BRWD3: variants seen among roughly 807,000 people sequenced by gnomAD.
BRWD3 encodes the protein bromodomain and WD repeat-containing protein 3.
BRWD3 carries 10 observed loss-of-function variants against 149.7 expected under a neutral mutation model. That is an observed-to-expected ratio of 0.07 (90% CI 0.04 to 0.11). The LOEUF (loss-of-function observed/expected upper bound fraction) is 0.11. Ranked by LOEUF, BRWD3 falls within the 10% of genes least tolerant of loss-of-function variation. The pLI is 1.00. For missense variants in BRWD3, 940 were observed against 1,373.2 expected (o/e 0.68, Z 4.99); for synonymous variants, 504 against 456.7 (o/e 1.10, Z -1.32).
At chrX:80,721,332 C>T (rs5959728) in intron 17 of BRWD3, among the ~76,000 whole-genome samples, 161 of 111,438 alleles carry the variant, frequency 1.4e-3, no homozygotes, top group African/African-American at 4.8e-3. Context: ...AGTTTATCTC[C>T]CATTTAATTA....
At chrX:80,783,484 C>G (rs764529385) in intron 6 of BRWD3, among the ~76,000 whole-genome samples, 1 of 109,619 alleles carries the variant, frequency 9.1e-6, no homozygotes, top group Non-Finnish European at 1.9e-5. Context: ...AAATGTACAT[C>G]AGTATAGCCA....
At chrX:80,776,261 G>T (rs2073999551) in intron 6 of BRWD3, among the ~76,000 whole-genome samples, 1 of 111,766 alleles carries the variant, frequency 8.9e-6, no homozygotes, top group Non-Finnish European at 1.9e-5. Context: ...ATTCCAAGAT[G>T]GTCACATCAG....
chrX:80,717,160 A>G (rs2073085031), intron 19 of BRWD3: 2 of 123,348 alleles, frequency 1.6e-5, no homozygotes, highest in East Asian at 2.5e-4. Flanking sequence ...CTTTCACCCA[A>G]TGAAGCCTAC....
intron 25 of BRWD3, among the ~76,000 whole-genome samples, chrX:80,699,422 T>C (rs771949498): frequency 6.3e-5 from 7 of 110,847 alleles, no homozygotes; most frequent in African/African-American, 2.3e-4. Context: ...TGTGCATGTG[T>C]GCATATATAT....
At position 80,669,746 on chromosome X, in the gene BRWD3, C is replaced by T. The variant is rs1466290358; in HGVS notation, c.*6863G>A. Among the ~76,000 whole-genome samples, 1 of 110,706 alleles carries T rather than the reference C, an allele frequency of 9.0e-6. No individual in the cohort carries two copies. The highest frequency in any genetic ancestry group is 3.3e-5 in the African/African-American group (1 of 30,519). Reference sequence around the variant, plus strand: ...AATTCTAACTAGAATTGCAACATGACAAAAATCAACCACAAAAATCCTTAA... The same window carrying T: ...AATTCTAACTAGAATTGCAACATGATAAAAATCAACCACAAAAATCCTTAA... On this transcript the variant is annotated 3_prime_UTR_variant, in exon 41 of 41. Transcript: ENST00000373275.
intron 20 of BRWD3, among the ~76,000 whole-genome samples, chrX:80,714,219 CTTTTTTTTT>C (rs987098536): frequency 1.1e-4 from 7 of 61,808 alleles, no homozygotes; most frequent in African/African-American, 3.9e-4. Context: ...AAACCTTCAT[CTTTTTTTTT>C]TTTTTTTTTT....
intron 3 of BRWD3, 93 bp downstream of exon 3, chrX:80,808,920 C>T (rs2074379920): frequency 1.5e-5 from 15 of 1,011,855 alleles, no homozygotes; most frequent in East Asian, 3.3e-5. Flanking sequence ...AGATCGAAGC[C>T]TCTATCCCAG....
intron 6 of BRWD3, among the ~76,000 whole-genome samples, chrX:80,748,304 C>T (rs1254383307): frequency 8.9e-6 from 1 of 112,455 alleles, no homozygotes; most frequent in Non-Finnish European, 1.9e-5. Context: ...TGAGCCACTG[C>T]ACCCAGCCTT....
In BRWD3 at chrX:80,676,732, A is replaced by G. The variant is rs770713485; in HGVS notation, c.5286T>C (p.Asp1762=). 2 of 1,211,303 alleles carry G rather than the reference A, an allele frequency of 1.7e-6. No homozygotes were observed. The highest frequency in any genetic ancestry group is 2.2e-6 in the Non-Finnish European group (2 of 895,348). Residue 1762 remains aspartate, a synonymous_variant, in exon 41 of 41, where the codon GAT becomes GAC. Coordinates refer to ENST00000373275, the MANE Select transcript of BRWD3 (RefSeq NM_153252.5). ...QGRRTVLYND[D]SDNDNFVSTE... is the part of the protein sequence containing the mutation. ...TGGACACAAAATTGTCATTATCAGAATCATCATTATATAAAACAGTCCTCC... is the reference window on the plus strand; with the variant it reads ...TGGACACAAAATTGTCATTATCAGAGTCATCATTATATAAAACAGTCCTCC...
chrX:80,752,561 GT>G (rs1014265169), intron 6 of BRWD3, among the ~76,000 whole-genome samples: 1 of 111,590 alleles, frequency 9.0e-6, no homozygotes. Context: ...TCACCAAAAT[GT>G]TTTTTTAAAA....
chrX:80,772,389 G>T (rs1162333997), intron 6 of BRWD3, among the ~76,000 whole-genome samples: 1 of 111,309 alleles, frequency 9.0e-6, no homozygotes, highest in East Asian at 2.8e-4. Flanking sequence ...AACACCGCAT[G>T]TTCTCACTCA....
At chrX:80,801,572 G>A (rs1317168312) in intron 4 of BRWD3, among the ~76,000 whole-genome samples, 1 of 109,610 alleles carries the variant, frequency 9.1e-6, no homozygotes, top group Non-Finnish European at 1.9e-5. Context: ...CAGGTGTGGT[G>A]GCTCACACCT....
chrX:80,717,716 G>T lies in BRWD3; in HGVS notation c.2088C>A (p.Ile696=), dbSNP rs2073093123. The part of the protein sequence containing the change: ...PNMDISSSPN[I]RLRRHSSQIE... ...TTTGACTACTATGTCTTCGAAGCCT[G>T]ATGTTTGGGGAAGAAGATATGTCCA... is the stretch of plus-strand genomic sequence containing the variant. Residue 696 remains isoleucine (I), a synonymous_variant, in exon 19 of 41, where the codon ATC becomes ATA. Coordinates refer to ENST00000373275, the MANE Select transcript of BRWD3 (RefSeq NM_153252.5). 8.3e-7 allele frequency: 1 copy of T among 1,211,198 alleles called. No homozygotes were observed. The highest frequency in any genetic ancestry group is 3.0e-5 in the East Asian group (1 of 33,813).
intron 6 of BRWD3, among the ~76,000 whole-genome samples, chrX:80,764,194 A>G (rs956417547): frequency 1.8e-5 from 2 of 112,709 alleles, no homozygotes; most frequent in Non-Finnish European, 3.7e-5. Context: ...CCTAAACCTT[A>G]CACCTTACAG....
At chrX:80,725,801 TAC>T (rs2073214125) in intron 14 of BRWD3, among the ~76,000 whole-genome samples, 2 of 94,237 alleles carry the variant, frequency 2.1e-5, no homozygotes, top group Non-Finnish European at 4.1e-5. Context: ...ATAACATGTT[TAC>T]ATGTGTTACA....
intron 10 of BRWD3, among the ~76,000 whole-genome samples, chrX:80,734,705 CAAAAAAAGGAAAA>C (rs2073379096): frequency 9.9e-6 from 1 of 100,619 alleles, no homozygotes; most frequent in Admixed American, 1.1e-4. Flanking sequence ...TCACCACAAT[CAAAAAAAGGAAAA>C]AAAAAAAGGT....
intron 8 of BRWD3, among the ~76,000 whole-genome samples, chrX:80,737,753 TGAAGCCA>T (rs1191845313): frequency 8.9e-6 from 1 of 112,547 alleles, no homozygotes; most frequent in East Asian, 2.8e-4. Context: ...GAGAATTGCT[TGAAGCCA>T]GAAGGCAGAG....
intron 37 of BRWD3, 83 bp downstream of exon 37, chrX:80,683,927 G>A: frequency 1.0e-6 from 1 of 967,092 alleles, no homozygotes; most frequent in Non-Finnish European, 1.5e-6. Context: ...AGCAATCCAT[G>A]TTTCAAAAAA....
chrX:80,766,432 C>T (rs1022441147), intron 6 of BRWD3, among the ~76,000 whole-genome samples: 3 of 111,374 alleles, frequency 2.7e-5, no homozygotes, highest in African/African-American at 6.5e-5. Context: ...GTTTCTCTGA[C>T]GTACCCTGAC....
Sources: allele counts gnomAD v4.1 joint callset (sites outside exome capture counted in the v4.1 genomes callset), GRCh38; gene constraint gnomAD v4.1.1; transcripts MANE v1.5; gene names NCBI Gene and HGNC (gene_info 2026-07-23, HGNC 2026-07-21).